Variants in NUP160 observed in about 807,000 individuals in gnomAD.
NUP160 encodes nucleoporin 160, also known as nuclear pore complex protein Nup160.
Under a neutral mutation model 196.9 loss-of-function variants are expected in NUP160, and 94 were observed. The observed-to-expected ratio is 0.48, with a 90% CI of 0.40 to 0.57. NUP160 has a LOEUF of 0.57. Ranked by LOEUF, NUP160 falls within the 20% of genes least tolerant of loss-of-function variation. The pLI is 0.00. For missense variants in NUP160, 1,638 were observed against 1,748.3 expected, an observed-to-expected ratio of 0.94 and a Z score of 1.13; for synonymous variants, 605 against 619.7, an observed-to-expected ratio of 0.98 and a Z score of 0.35.
chr11:47,842,409 G>A (rs1020283295), intron 2 of NUP160, among the ~76,000 whole-genome samples: 6 of 152,208 alleles, frequency 3.9e-5, no homozygotes, highest in South Asian at 4.1e-4. Context: ...TAATTCCTTC[G>A]CTTTCCTGCC....
intron 7 of NUP160, among the ~76,000 whole-genome samples, chr11:47,824,006 TGC>T (rs1351758898): frequency 3.0e-5 from 3 of 98,888 alleles, no homozygotes; most frequent in African/African-American, 1.2e-4. Flanking sequence ...TCAATTCTTT[TGC>T]ATATATATAT....
chr11:47,821,801 G>C lies in NUP160; in HGVS notation c.1200C>G (p.Ala400=), dbSNP rs192203245. The C allele has an allele frequency of 1.3e-4, 204 of 1,613,842 alleles. 1 individual carries two copies. The East Asian group carries it at 4.3e-3, about 34-fold the overall frequency. The stretch of plus-strand genomic sequence containing the variant: ...GGGCCCAGATATCCGTGGAAGTTAA[G>C]GCAAAGTCAATCAGTGTCTCCTAGG... Residue 400 remains alanine (A), a synonymous_variant, in exon 9 of 36, where the codon GCC becomes GCG. Coordinates refer to ENST00000378460, the Ensembl canonical transcript of NUP160.
intron 23 of NUP160, among the ~76,000 whole-genome samples, chr11:47,801,402 G>A (rs1435681434): frequency 6.6e-6 from 1 of 151,992 alleles, no homozygotes; most frequent in Non-Finnish European, 1.5e-5. Flanking sequence ...CCAGGCTAGA[G>A]TGCAGTGGCA....
At chr11:47,806,611 G>T (rs1245460494) in intron 19 of NUP160, 1 of 283,334 alleles carries the variant, frequency 3.5e-6, no homozygotes, top group Admixed American at 4.8e-5. Context: ...ATTAGCCCCA[G>T]GATTTCAACT....
chr11:47,814,739 G>A (rs2097683338), intron 13 of NUP160, among the ~76,000 whole-genome samples: 1 of 152,214 alleles, frequency 6.6e-6, no homozygotes, highest in East Asian at 1.9e-4. Context: ...TTAGATACAT[G>A]CTGAAATATT....
chr11:47,817,985 CTT>C (rs1021160463), intron 11 of NUP160, 69 bp downstream of exon 11: 2 of 883,480 alleles, frequency 2.3e-6, no homozygotes, highest in African/African-American at 1.7e-5. Context: ...TATGCAAAAA[CTT>C]AATAGTAATT....
At chr11:47,793,159 T>C (rs2097668877) in intron 27 of NUP160, among the ~76,000 whole-genome samples, 1 of 152,038 alleles carries the variant, frequency 6.6e-6, no homozygotes, top group South Asian at 2.1e-4. Context: ...GGCTAATTTT[T>C]GTATTTTTGG....
chr11:47,781,518 C>A (rs985464354), intron 34 of NUP160, among the ~76,000 whole-genome samples: 1 of 152,070 alleles, frequency 6.6e-6, no homozygotes, highest in East Asian at 1.9e-4. Context: ...CACACCTTGA[C>A]CTCCGAAAGT....
At chr11:47,848,091 A>G in intron 1 of NUP160, 128 bp downstream of exon 1, 4 of 1,289,920 alleles carry the variant, frequency 3.1e-6, no homozygotes, top group Non-Finnish European at 4.5e-6. Flanking sequence ...GACATCAAGG[A>G]ATCTCTGATC....
At chr11:47,803,180 A>ATAATAATAAT (rs1599317882) in intron 22 of NUP160, among the ~76,000 whole-genome samples, 4 of 149,230 alleles carry the variant, frequency 2.7e-5, no homozygotes, top group Non-Finnish European at 3.0e-5. Flanking sequence ...AATAATAATA[A>ATAATAATAAT]AAGGAATCTC....
At chr11:47,813,505 C>T in intron 13 of NUP160, 90 bp from the exon 14 acceptor site, 1 of 793,402 alleles carries the variant, frequency 1.3e-6, no homozygotes, top group East Asian at 2.5e-5. Flanking sequence ...ATGAGGCAAA[C>T]CCAAGTTGCA....
Position 47,813,136 on chromosome 11 carries a change from C to T in NUP160, c.1787-89G>A, listed in dbSNP as rs146058922. On this transcript the variant is annotated intron_variant, in intron 14 of 35. Transcript: ENST00000378460. Reference sequence around the variant, plus strand: ...CATTAAAATGTTAATAATTAAATGACAAGAAATCTATCTGAGGTCTCAGAG... The same window carrying T: ...CATTAAAATGTTAATAATTAAATGATAAGAAATCTATCTGAGGTCTCAGAG... 788 of 1,079,666 alleles carry T rather than the reference C, an allele frequency of 7.3e-4. 16 individuals carry two copies. In the East Asian group the frequency reaches 0.02, roughly 27 times the overall value. The allele number at this position is 1,079,666 out of a possible 1,614,324, so 66.9% of individuals were successfully genotyped here.
chr11:47,821,857 A>C (rs1180425863), intron 8 of NUP160, 36 bp from the exon 9 acceptor site: 1 of 1,515,054 alleles, frequency 6.6e-7, no homozygotes, highest in Admixed American at 1.7e-5. Context: ...GGATAAAATA[A>C]GAAAGAAAGT....
At chr11:47,842,171 C>G (rs1245566534) in intron 2 of NUP160, among the ~76,000 whole-genome samples, 2 of 152,056 alleles carry the variant, frequency 1.3e-5, no homozygotes, top group Non-Finnish European at 2.9e-5. Context: ...CTCCCACATT[C>G]CTGTCCATTT....
At chr11:47,846,942 T>A (rs142840482) in intron 2 of NUP160, among the ~76,000 whole-genome samples, 13 of 152,206 alleles carry the variant, frequency 8.5e-5, no homozygotes, top group Non-Finnish European at 1.6e-4. Context: ...TAGTGTTAAC[T>A]GTTCCCATCC....
chr11:47,829,212 G>A (rs932534676), intron 7 of NUP160, among the ~76,000 whole-genome samples: 3 of 152,184 alleles, frequency 2.0e-5, no homozygotes, highest in African/African-American at 7.2e-5. Flanking sequence ...TAGAGATTTA[G>A]ATCCAGAATA....
upstream of NUP160, chr11:47,848,534 G>C (rs1355646067): frequency 1.2e-6 from 1 of 852,190 alleles, no homozygotes; most frequent in East Asian, 2.7e-5. Flanking sequence ...GACTCTATCT[G>C]CGGGAACCTT....
At chr11:47,838,663 T>C (rs1166759842) in intron 4 of NUP160, among the ~76,000 whole-genome samples, 20 of 151,758 alleles carry the variant, frequency 1.3e-4, no homozygotes, top group Admixed American at 1.3e-3. Context: ...TGAGCCAAGA[T>C]GGCACCACTG....
intron 23 of NUP160, among the ~76,000 whole-genome samples, chr11:47,800,868 C>T (rs1397338509): frequency 6.6e-6 from 1 of 152,098 alleles, no homozygotes; most frequent in South Asian, 2.1e-4. Flanking sequence ...GAAGTGTGCA[C>T]AACAGGATGA....
Sources: allele counts gnomAD v4.1 joint callset (sites outside exome capture counted in the v4.1 genomes callset), GRCh38; gene constraint gnomAD v4.1.1; transcripts MANE v1.5; gene names NCBI Gene and HGNC (gene_info 2026-07-23, HGNC 2026-07-21).